The following MKRN1 variants were observed in gnomAD, a reference collection of about 807,000 sequenced individuals.
The protein encoded by MKRN1 is E3 ubiquitin-protein ligase makorin-1.
Under a neutral mutation model 55.5 loss-of-function variants are expected in MKRN1, and 9 were observed. That is an observed-to-expected ratio of 0.16 (90% CI 0.10 to 0.28). MKRN1 has a LOEUF of 0.28. MKRN1 is among the 10% of genes least tolerant of loss of function. MKRN1 has a pLI of 1.00. For missense variants in MKRN1, 488 were observed against 626.7 expected, an observed-to-expected ratio of 0.78 and a Z score of 2.36; for synonymous variants, 253 against 235.9, an observed-to-expected ratio of 1.07 and a Z score of -0.66.
At position 140,472,022 on chromosome 7, in the gene MKRN1, A is replaced by G. The variant is rs750845113; in HGVS notation, c.186-11T>C. On this transcript the variant is annotated splice_polypyrimidine_tract_variant and intron_variant, in intron 1 of 7. Transcript: ENST00000255977. ...CCATGCATAAAATACCTGTGAGACG[A>G]AAGACCACAAAACTGGATTAAAACC... is the stretch of plus-strand genomic sequence containing the variant. 4 of 1,613,714 alleles carry G rather than the reference A, an allele frequency of 2.5e-6. No individual in the cohort carries two copies. Among genetic ancestry groups the G allele is most frequent in the Non-Finnish European group, 2.5e-6 (3 of 1,179,938 alleles).
In MKRN1 at chr7:140,475,317, T is replaced by TG. The variant is rs570653241; in HGVS notation, c.186-3307dup. The stretch of plus-strand genomic sequence containing the variant: ...GAGATCGTGCCACTGCACTCCAGCT[T>TG]GGGCGACACAGACTCCATCTCAGAA... On this transcript the variant is annotated intron_variant, in intron 1 of 7. Coordinates refer to ENST00000255977, the MANE Select transcript of MKRN1 (RefSeq NM_013446.4). 67 of 386,998 alleles carry TG rather than the reference T, an allele frequency of 1.7e-4. 2 individuals carry two copies. Among genetic ancestry groups the TG allele is most frequent in the South Asian group, 1.2e-3 (67 of 56,014 alleles). The allele number at this position is 386,998 out of a possible 1,614,324, so 24.0% of individuals were successfully genotyped here. A position where few individuals can be genotyped will look rare whatever the true frequency, so the allele number is the denominator to read the frequency against.
At chr7:140,459,628 G>A in intron 3 of MKRN1, 79 bp downstream of exon 3, 2 of 1,361,160 alleles carry the variant, frequency 1.5e-6, no homozygotes, top group Non-Finnish European at 2.1e-6. Context: ...AGCAGAAAGG[G>A]GAAAGTTGTC....
At chr7:140,460,061 C>A in intron 2 of MKRN1, 125 bp from the exon 3 acceptor site, 2 of 821,972 alleles carry the variant, frequency 2.4e-6, no homozygotes, top group Non-Finnish European at 3.9e-6. Context: ...CCAGCCTGGC[C>A]AATGTGGTGA....
At chr7:140,475,126 G>C (rs1450794034) in intron 1 of MKRN1, 1 of 328,136 alleles carries the variant, frequency 3.0e-6, no homozygotes, top group South Asian at 2.2e-5. Context: ...TGGATCACCT[G>C]AGGTCAGGAG....
At chr7:140,466,333 G>C (rs1184407724) in intron 2 of MKRN1, among the ~76,000 whole-genome samples, 1 of 152,130 alleles carries the variant, frequency 6.6e-6, no homozygotes, top group African/African-American at 2.4e-5. Flanking sequence ...ATCCTCTAAA[G>C]AGTTCTAGAA....
chr7:140,478,889 C>G, intron 1 of MKRN1: 1 of 299,940 alleles, frequency 3.3e-6, no homozygotes, highest in Non-Finnish European at 6.0e-6. Context: ...GAAGTGTAAG[C>G]GGCGGTGCAG....
chr7:140,459,073 A>G lies in MKRN1; in HGVS notation c.705T>C (p.Ser235=), dbSNP rs1185726452. ...GENCVYLHGD[S]CDMCGLQVLH... is the part of the protein sequence containing the mutation. Reference sequence around the variant, plus strand: ...GGACCTGCAGCCCACACATGTCACAAGAATCTCCGTGGAGATACACACAGT... The same window carrying G: ...GGACCTGCAGCCCACACATGTCACAGGAATCTCCGTGGAGATACACACAGT... Residue 235 remains serine (S), a synonymous_variant, in exon 4 of 8, where the codon TCT becomes TCC. Coordinates refer to ENST00000255977, the MANE Select transcript of MKRN1 (RefSeq NM_013446.4). The G allele has an allele frequency of 1.9e-6, 3 of 1,613,862 alleles. No homozygotes were observed. The highest frequency in any genetic ancestry group is 1.7e-6 in the Non-Finnish European group (2 of 1,179,878).
At chr7:140,468,772 C>A (rs1445804068) in intron 2 of MKRN1, among the ~76,000 whole-genome samples, 1 of 149,916 alleles carries the variant, frequency 6.7e-6, no homozygotes, top group Non-Finnish European at 1.5e-5. Flanking sequence ...GTGTCATTTT[C>A]CCCCTTTTTC....
intron 1 of MKRN1, chr7:140,475,206 G>T (rs1198975387): frequency 2.3e-6 from 1 of 433,366 alleles, no homozygotes; most frequent in Non-Finnish European, 4.6e-6. Context: ...AGCCGAGTGT[G>T]ATGGCACGTG....
chr7:140,471,884 T>G lies in MKRN1; in HGVS notation c.313A>C (p.Arg105=). The G allele has an allele frequency of 6.2e-7, 1 of 1,612,894 alleles. No homozygotes were observed. The highest frequency in any genetic ancestry group is 8.5e-7 in the Non-Finnish European group (1 of 1,179,668). The change falls in exon 2 of 8, where the codon AGA becomes CGA. Residue 105 remains arginine, a splice_region_variant and synonymous_variant. Coordinates refer to ENST00000255977, the MANE Select transcript of MKRN1 (RefSeq NM_013446.4). The part of the protein sequence containing the change: ...RGYCIYGDRC[R]YEHSKPLKQE... The stretch of plus-strand genomic sequence containing the variant: ...ACAAATTTATAAACAAATTCTTACC[T>G]GCAGCGGTCTCCATAAATACAGTAC...
At chr7:140,475,219 T>C in intron 1 of MKRN1, 1 of 441,604 alleles carries the variant, frequency 2.3e-6, no homozygotes, top group East Asian at 8.2e-5. Flanking sequence ...GGCACGTGCC[T>C]GTAATCCCAG....
chr7:140,476,784 C>T (rs547125400), intron 1 of MKRN1, among the ~76,000 whole-genome samples: 1 of 151,606 alleles, frequency 6.6e-6, no homozygotes, highest in African/African-American at 2.4e-5. Flanking sequence ...TCAAAGTGAA[C>T]GATAAGGATC....
chr7:140,466,611 T>C (rs1794773130), intron 2 of MKRN1, among the ~76,000 whole-genome samples: 1 of 151,372 alleles, frequency 6.6e-6, no homozygotes, highest in South Asian at 2.1e-4. Flanking sequence ...GAGACCATCC[T>C]GGCTAACAAG....
chr7:140,465,344 A>G (rs1794737777), intron 2 of MKRN1, among the ~76,000 whole-genome samples: 1 of 152,026 alleles, frequency 6.6e-6, no homozygotes, highest in Non-Finnish European at 1.5e-5. Flanking sequence ...ACTAAAAATA[A>G]CAAAATTTAG....
intron 2 of MKRN1, among the ~76,000 whole-genome samples, chr7:140,466,919 A>G (rs1007277402): frequency 6.6e-6 from 1 of 151,984 alleles, no homozygotes; most frequent in African/African-American, 2.4e-5. Context: ...GGGCAAGACC[A>G]GATCTCAAAA....
rs146463356 is a variant in MKRN1, at chr7:140,465,451, C to T, written c.315-5515G>A. ...TTGCACCACTGCACTCTAGTCTGGGCGACAGAGCACGACTCCATCTAAAAA... is the reference window on the plus strand; with the variant it reads ...TTGCACCACTGCACTCTAGTCTGGGTGACAGAGCACGACTCCATCTAAAAA... On this transcript the variant is annotated intron_variant, in intron 2 of 7. Coordinates refer to ENST00000255977, the MANE Select transcript of MKRN1 (RefSeq NM_013446.4). 4.1e-3 allele frequency among the ~76,000 whole-genome samples: 615 copies of T among 151,812 alleles called. 3 individuals carry two copies. The highest frequency in any genetic ancestry group is 0.014 in the African/African-American group (573 of 41,372).
rs144723210 is a variant in MKRN1, at chr7:140,459,651, A to G, written c.544+56T>C. 2,096 of 1,528,686 alleles carry G rather than the reference A, an allele frequency of 1.4e-3. 29 individuals carry two copies. In the African/African-American group the frequency reaches 0.024, roughly 18 times the overall value. The allele number at this position is 1,528,686 out of a possible 1,614,324, so 94.7% of individuals were successfully genotyped here. On this transcript the variant is annotated intron_variant, in intron 3 of 7. Coordinates refer to ENST00000255977, the MANE Select transcript of MKRN1 (RefSeq NM_013446.4). ...GGGGAAAGTTGTCAAAACTAAGCAA[A>G]TGGATGAACTGCTATCCAGCCCTCT...
At chr7:140,474,033 G>GAA (rs1292001620) in intron 1 of MKRN1, among the ~76,000 whole-genome samples, 1 of 61,480 alleles carries the variant, frequency 1.6e-5, no homozygotes, top group Admixed American at 1.2e-4. Context: ...AAGAAAGAAA[G>GAA]AAAGAAAGAA....
chr7:140,461,100 T>A (rs1794603913), intron 2 of MKRN1, among the ~76,000 whole-genome samples: 1 of 152,230 alleles, frequency 6.6e-6, no homozygotes, highest in Non-Finnish European at 1.5e-5. Context: ...AAAGCAAGGC[T>A]GACACAAGGT....
Sources: gnomAD v4.1 joint callset for allele counts (sites outside exome capture counted in the v4.1 genomes callset) on GRCh38, gnomAD v4.1.1 for gene constraint, MANE v1.5 for transcripts, NCBI Gene and HGNC (gene_info 2026-07-23, HGNC 2026-07-21) for gene names.